ARHGAP24: variants seen among roughly 807,000 people sequenced by gnomAD.
The protein encoded by ARHGAP24 is rho GTPase-activating protein 24.
In ARHGAP24, 50 loss-of-function variants were observed where a neutral mutation model predicts 76.4. The observed-to-expected ratio is 0.65, with a 90% CI of 0.52 to 0.83. The LOEUF is 0.83. ARHGAP24 is among the 40% of genes least tolerant of loss of function. ARHGAP24 has a pLI of 0.00. For synonymous variants in ARHGAP24, 345 were observed against 323.3 expected (o/e 1.07, Z -0.72); for missense variants, 930 against 914.2 (o/e 1.02, Z -0.22).
At chr4:85,701,317 A>C (rs529781170) in intron 2 of ARHGAP24, among the ~76,000 whole-genome samples, 1 of 152,128 alleles carries the variant, frequency 6.6e-6, no homozygotes, top group South Asian at 2.1e-4. Flanking sequence ...GCGTACAGGC[A>C]GGTTTTGGTT....
intron 3 of ARHGAP24, among the ~76,000 whole-genome samples, chr4:85,762,415 A>C (rs1726766311): frequency 6.6e-6 from 1 of 152,190 alleles, no homozygotes; most frequent in Admixed American, 6.6e-5. Flanking sequence ...GAGGGAAAAC[A>C]CATGCCCTGC....
In ARHGAP24 at chr4:85,481,210, T is replaced by C. The variant is rs531946801; in HGVS notation, c.-21+5651T>C. 1.8e-4 allele frequency among the ~76,000 whole-genome samples: 28 copies of C among 152,312 alleles called. No individual in the cohort carries two copies. In the South Asian group the frequency reaches 5.6e-3, roughly 30 times the overall value. On this transcript the variant is annotated intron_variant, in intron 1 of 9. Transcript: ENST00000395184. Reference sequence around the variant, plus strand: ...ATCTATGTTATATTTAATCCAGATATTTTTATGACTATTGTATGGGGATGT... The same window carrying C: ...ATCTATGTTATATTTAATCCAGATACTTTTATGACTATTGTATGGGGATGT...
chr4:85,786,718 T>A (rs915152054), intron 3 of ARHGAP24, among the ~76,000 whole-genome samples: 4 of 152,208 alleles, frequency 2.6e-5, no homozygotes, highest in Non-Finnish European at 5.9e-5. Flanking sequence ...AAATGTTGAA[T>A]GCTTCCCTTC....
intron 1 of ARHGAP24, among the ~76,000 whole-genome samples, chr4:85,488,339 GAGA>G (rs1183816795): frequency 1.3e-5 from 2 of 151,968 alleles, no homozygotes; most frequent in East Asian, 1.9e-4. Context: ...TAGATTAGAG[GAGA>G]AGAATAAAAT....
intron 3 of ARHGAP24, among the ~76,000 whole-genome samples, chr4:85,902,692 C>T (rs1036234667): frequency 6.6e-6 from 1 of 152,232 alleles, no homozygotes; most frequent in African/African-American, 2.4e-5. Flanking sequence ...CAACCTCCGC[C>T]TCCCAGGTTC....
intron 3 of ARHGAP24, among the ~76,000 whole-genome samples, chr4:85,768,442 A>G (rs1455336524): frequency 1.3e-5 from 2 of 152,144 alleles, no homozygotes; most frequent in East Asian, 3.9e-4. Context: ...TCTAACAAAT[A>G]AAATCAAGAA....
chr4:85,984,556 G>T (rs1337531218), intron 8 of ARHGAP24, among the ~76,000 whole-genome samples: 3 of 152,136 alleles, frequency 2.0e-5, no homozygotes, highest in Non-Finnish European at 4.4e-5. Context: ...CACACTGGGG[G>T]TTAGGATTTC....
intron 1 of ARHGAP24, among the ~76,000 whole-genome samples, chr4:85,517,888 A>T (rs1724577198): frequency 6.6e-6 from 1 of 152,162 alleles, no homozygotes; most frequent in African/African-American, 2.4e-5. Flanking sequence ...CGTAAGAAGA[A>T]TTCTAACTTG....
intron 2 of ARHGAP24, among the ~76,000 whole-genome samples, chr4:85,610,001 A>G (rs1720326419): frequency 6.6e-6 from 1 of 152,128 alleles, no homozygotes; most frequent in Admixed American, 6.5e-5. Context: ...TACAACTGAT[A>G]TTTCTAGATT....
chr4:85,533,235 T>G (rs534154987), intron 1 of ARHGAP24, among the ~76,000 whole-genome samples: 1 of 152,262 alleles, frequency 6.6e-6, no homozygotes, highest in Non-Finnish European at 1.5e-5. Flanking sequence ...TGTATAAACT[T>G]TGGGACATCA....
rs183634917 is a variant in ARHGAP24, at chr4:85,791,949, G to T, written c.268+69977G>T. Reference sequence around the variant, plus strand: ...AGCTCAAGAGCCAGCCTAATGAAAAGAACTGTGCTTTTTAGTTAAATTATG... The same window carrying T: ...AGCTCAAGAGCCAGCCTAATGAAAATAACTGTGCTTTTTAGTTAAATTATG... On this transcript the variant is annotated intron_variant, in intron 3 of 9. Coordinates refer to ENST00000395184, the MANE Select transcript of ARHGAP24 (RefSeq NM_001025616.3). 2.0e-4 allele frequency among the ~76,000 whole-genome samples: 30 copies of T among 152,250 alleles called. 1 individual carries two copies. The highest frequency in any genetic ancestry group is 2.0e-3 in the Admixed American group (30 of 15,292).
chr4:85,853,721 T>C (rs985757711), intron 3 of ARHGAP24, among the ~76,000 whole-genome samples: 1 of 151,826 alleles, frequency 6.6e-6, no homozygotes, highest in Admixed American at 6.6e-5. Flanking sequence ...GCTCAAGAGA[T>C]CAAGACCATC....
intron 2 of ARHGAP24, among the ~76,000 whole-genome samples, chr4:85,576,307 G>A (rs1235412703): frequency 6.6e-6 from 1 of 152,120 alleles, no homozygotes; most frequent in African/African-American, 2.4e-5. Flanking sequence ...GCGGGCGCCT[G>A]TAGTACCACC....
intron 3 of ARHGAP24, among the ~76,000 whole-genome samples, chr4:85,772,621 G>A (rs1285890705): frequency 6.6e-6 from 1 of 152,168 alleles, no homozygotes; most frequent in Admixed American, 6.5e-5. Context: ...AGTATAGTGT[G>A]TGAATAAGTC....
chr4:85,591,762 A>T (rs1728121054), intron 2 of ARHGAP24, among the ~76,000 whole-genome samples: 1 of 152,206 alleles, frequency 6.6e-6, no homozygotes, highest in Non-Finnish European at 1.5e-5. Context: ...GTGGATTTAG[A>T]GTTCTGGGAA....
At chr4:85,896,565 C>G (rs35900112) in intron 3 of ARHGAP24, among the ~76,000 whole-genome samples, 52,688 of 152,010 alleles carry the variant, frequency 0.35, 9,962 homozygotes, top group Non-Finnish European at 0.43. Flanking sequence ...GTTTCACTTG[C>G]ATAGCAAACA....
chr4:85,654,429 T>C (rs770552050), intron 2 of ARHGAP24, among the ~76,000 whole-genome samples: 1 of 152,202 alleles, frequency 6.6e-6, no homozygotes, highest in Non-Finnish European at 1.5e-5. Context: ...CAAACTTTAG[T>C]TCATAACACA....
At chr4:85,800,476 A>G (rs999768952) in intron 3 of ARHGAP24, among the ~76,000 whole-genome samples, 1 of 152,056 alleles carries the variant, frequency 6.6e-6, no homozygotes, top group African/African-American at 2.4e-5. Flanking sequence ...ATTGCTGGAC[A>G]TAAGGTAGGA....
At chr4:85,851,341 T>C (rs886699749) in intron 3 of ARHGAP24, among the ~76,000 whole-genome samples, 3 of 152,236 alleles carry the variant, frequency 2.0e-5, no homozygotes, top group African/African-American at 7.2e-5. Flanking sequence ...CCCATGTGTG[T>C]GTCTGCACAT....
Sources: gnomAD v4.1 joint callset for allele counts (sites outside exome capture counted in the v4.1 genomes callset) on GRCh38, gnomAD v4.1.1 for gene constraint, MANE v1.5 for transcripts, NCBI Gene and HGNC (gene_info 2026-07-23, HGNC 2026-07-21) for gene names.